DCDC2: variants seen among roughly 807,000 people sequenced by gnomAD.
The protein encoded by DCDC2 is doublecortin domain-containing protein 2.
In DCDC2, 40 loss-of-function variants were observed where a neutral mutation model predicts 50.2. That is an observed-to-expected ratio of 0.80 (90% CI 0.62 to 1.04). The LOEUF (loss-of-function observed/expected upper bound fraction) is 1.04. Ranked by LOEUF, DCDC2 falls within the 50% of genes least tolerant of loss-of-function variation. The probability of loss-of-function intolerance (pLI) is 0.00; values close to 1 mark genes in which losing one functional copy is unlikely to be tolerated. For missense variants in DCDC2, 570 were observed against 581.9 expected, an observed-to-expected ratio of 0.98 and a Z score of 0.21; for synonymous variants, 234 against 210.6, an observed-to-expected ratio of 1.11 and a Z score of -0.96.
upstream of DCDC2, chr6:24,358,096 G>C: frequency 3.1e-6 from 2 of 649,278 alleles, no homozygotes; most frequent in Non-Finnish European, 5.2e-6. Flanking sequence ...CTTCAAACAG[G>C]CACGCCTAGT....
intron 7 of DCDC2, among the ~76,000 whole-genome samples, chr6:24,242,056 TC>T (rs1204545838): frequency 6.6e-6 from 1 of 152,068 alleles, no homozygotes; most frequent in Non-Finnish European, 1.5e-5. Flanking sequence ...ATGCCTGTAG[TC>T]CCAGCTACCT....
rs754114630 is a variant in DCDC2, at chr6:24,175,241, G to A, written c.1327-407C>T. Among the ~76,000 whole-genome samples the A allele has an allele frequency of 4.6e-5, 7 of 152,214 alleles. No homozygotes were observed. The South Asian group carries it at 6.2e-4, about 14-fold the overall frequency. On this transcript the variant is annotated intron_variant, in intron 9 of 9. Transcript: ENST00000378454. ...GTTTCCTCCTAGAATTCACAAATTC[G>A]TTGTGAATATGGTACCAAGTACCAT...
At chr6:24,337,091 A>G (rs769793544) in intron 2 of DCDC2, among the ~76,000 whole-genome samples, 1 of 152,206 alleles carries the variant, frequency 6.6e-6, no homozygotes, top group Non-Finnish European at 1.5e-5. Flanking sequence ...TTTTTTGCTT[A>G]GTAACTTGGT....
At chr6:24,272,349 C>T (rs983471870) in intron 7 of DCDC2, among the ~76,000 whole-genome samples, 1 of 152,094 alleles carries the variant, frequency 6.6e-6, no homozygotes, top group African/African-American at 2.4e-5. Context: ...AAATGCTGAT[C>T]TTAAGAATTT....
chr6:24,184,999 T>C (rs545508336), intron 8 of DCDC2, among the ~76,000 whole-genome samples: 3 of 152,238 alleles, frequency 2.0e-5, no homozygotes, highest in Non-Finnish European at 4.4e-5. Context: ...TGAAGTATGT[T>C]AAGACAATCA....
chr6:24,302,462 T>C (rs971685220), intron 2 of DCDC2, among the ~76,000 whole-genome samples: 1 of 152,136 alleles, frequency 6.6e-6, no homozygotes, highest in Non-Finnish European at 1.5e-5. Context: ...CCCATTCCCA[T>C]GCACCTGCTT....
chr6:24,191,947 C>A (rs75300790), intron 8 of DCDC2, among the ~76,000 whole-genome samples: 1 of 152,024 alleles, frequency 6.6e-6, no homozygotes, highest in Non-Finnish European at 1.5e-5. Flanking sequence ...CAAGCCTTTG[C>A]GTGCTTAAAA....
rs368811969 is a variant in DCDC2 at position 24,301,809 on chromosome 6, G to A, written c.463C>T (p.Arg155Cys). Reference sequence around the variant, plus strand: ...AAGGTTTTTCTGGGGATAAGGAGGCGAGAAGCTGGGTTTATGAGGTCTCCA... The same window carrying A: ...AAGGTTTTTCTGGGGATAAGGAGGCAAGAAGCTGGGTTTATGAGGTCTCCA... Reference protein sequence around the residue: ...ANGDLINPASRLLIPRKTLNQ... With the variant: ...ANGDLINPASCLLIPRKTLNQ... Residue 155 changes from arginine (R) to cysteine (C), a missense_variant, in exon 4 of 10, where the codon CGC becomes TGC. Transcript: ENST00000378454. 27 of 1,614,026 alleles carry A rather than the reference G, an allele frequency of 1.7e-5. No homozygotes were observed. The highest frequency in any genetic ancestry group is 8.8e-5 in the South Asian group (8 of 91,086).
intron 2 of DCDC2, among the ~76,000 whole-genome samples, chr6:24,306,543 T>TAGATAGATAGATAGAGAGACAGACAGAC (rs1209633765): frequency 2.6e-5 from 3 of 115,662 alleles, no homozygotes; most frequent in African/African-American, 1.0e-4. Flanking sequence ...GATAGATAGA[T>TAGATAGATAGATAGAGAGACAGACAGAC]AGACAGACAG....
chr6:24,238,914 G>A (rs1762508549), intron 7 of DCDC2, among the ~76,000 whole-genome samples: 1 of 152,138 alleles, frequency 6.6e-6, no homozygotes, highest in Admixed American at 6.5e-5. Context: ...CTGCCTCAAG[G>A]TGTGCAAGCA....
chr6:24,376,927 A>T, the DCDC2 span, among the ~76,000 whole-genome samples: 2 of 152,200 alleles, frequency 1.3e-5, no homozygotes, highest in East Asian at 3.9e-4. Flanking sequence ...CACCTTGGAG[A>T]TCCCATTCTG....
intron 2 of DCDC2, among the ~76,000 whole-genome samples, chr6:24,349,001 T>C (rs536594096): frequency 2.0e-5 from 3 of 152,330 alleles, no homozygotes; most frequent in South Asian, 4.1e-4. Flanking sequence ...TAAAACAGAT[T>C]TGTACTCTAA....
chr6:24,201,520 T>C (rs1761587427), intron 8 of DCDC2, among the ~76,000 whole-genome samples: 1 of 152,206 alleles, frequency 6.6e-6, no homozygotes, highest in South Asian at 2.1e-4. Context: ...GAGGGAAATT[T>C]GTAGCACTAA....
intron 7 of DCDC2, among the ~76,000 whole-genome samples, chr6:24,213,148 T>C (rs1028710839): frequency 6.6e-6 from 1 of 152,208 alleles, no homozygotes; most frequent in South Asian, 2.1e-4. Context: ...TATTCTTAAA[T>C]GGTATCATAA....
intron 2 of DCDC2, among the ~76,000 whole-genome samples, chr6:24,318,110 T>C (rs972007555): frequency 6.6e-6 from 1 of 152,046 alleles, no homozygotes; most frequent in Non-Finnish European, 1.5e-5. Flanking sequence ...AAACTACATA[T>C]TCCCCCATCT....
chr6:24,325,972 T>C (rs1405390680), intron 2 of DCDC2, among the ~76,000 whole-genome samples: 3 of 149,228 alleles, frequency 2.0e-5, no homozygotes, highest in African/African-American at 4.8e-5. Context: ...CACACCCATG[T>C]TGAATCCCAG....
chr6:24,290,051 T>TG (rs1393539512), intron 5 of DCDC2, among the ~76,000 whole-genome samples: 3 of 125,810 alleles, frequency 2.4e-5, no homozygotes, highest in Admixed American at 9.8e-5. Flanking sequence ...TGGAGTGCAG[T>TG]GGCGGGATCT....
At chr6:24,257,231 A>G (rs557199616) in intron 7 of DCDC2, among the ~76,000 whole-genome samples, 1 of 152,310 alleles carries the variant, frequency 6.6e-6, no homozygotes, top group South Asian at 2.1e-4. Flanking sequence ...AAATAACTGG[A>G]ATGCCTAACC....
At chr6:24,383,114 G>A in the DCDC2 span, among the ~76,000 whole-genome samples, 2 of 152,110 alleles carry the variant, frequency 1.3e-5, no homozygotes, top group African/African-American at 4.8e-5. Context: ...ATCACCTGAG[G>A]TCGGGAGTTG....
Sources: allele counts gnomAD v4.1 joint callset (sites outside exome capture counted in the v4.1 genomes callset), GRCh38; gene constraint gnomAD v4.1.1; transcripts MANE v1.5; gene names NCBI Gene and HGNC (gene_info 2026-07-23, HGNC 2026-07-21).